MTA3: variants seen among roughly 807,000 people sequenced by gnomAD.
The protein encoded by MTA3 is metastasis-associated protein MTA3.
A neutral mutation model predicts 83.5 loss-of-function variants in MTA3; 34 were observed. The observed-to-expected ratio is 0.41, with a 90% CI of 0.31 to 0.54. The LOEUF (loss-of-function observed/expected upper bound fraction) is 0.54. MTA3 is among the 20% of genes least tolerant of loss of function. MTA3 has a pLI of 0.33. For synonymous variants in MTA3, 303 were observed against 252.7 expected (o/e 1.20, Z -1.89); for missense variants, 761 against 726.4 (o/e 1.05, Z -0.55).
intron 4 of MTA3, among the ~76,000 whole-genome samples, chr2:42,625,945 T>G (rs968944123): frequency 6.7e-6 from 1 of 148,880 alleles, no homozygotes; most frequent in East Asian, 1.9e-4. Flanking sequence ...CTTTTTTTTT[T>G]CTTTTTTTTT....
rs536974693 is a variant in MTA3, at chr2:42,681,445, T to C, written c.703-956T>C. Among the ~76,000 whole-genome samples the C allele has an allele frequency of 7.9e-5, 12 of 152,320 alleles. No homozygotes were observed. In the South Asian group the frequency reaches 1.9e-3, roughly 24 times the overall value. On this transcript the variant is annotated intron_variant, in intron 8 of 16. Transcript: ENST00000405094. ...CTCTGATACATAATCTGTATATTTT[T>C]CCCTGGTCAAGAATGGCTGTGCTGT...
chr2:42,568,263 A>T (rs902388353), upstream of MTA3: 1 of 154,162 alleles, frequency 6.5e-6, no homozygotes, highest in African/African-American at 2.4e-5. Context: ...TGGACAGGTG[A>T]CGGGGTACCC....
At chr2:42,736,443 C>T (rs993614648) in intron 16 of MTA3, among the ~76,000 whole-genome samples, 1 of 152,110 alleles carries the variant, frequency 6.6e-6, no homozygotes, top group South Asian at 2.1e-4. Flanking sequence ...GCCTGGCTAC[C>T]ACCTGTGTTC....
chr2:42,606,202 C>T lies in MTA3; in HGVS notation c.191-3256C>T, dbSNP rs1256817106. 1.2e-3 allele frequency among the ~76,000 whole-genome samples: 139 copies of T among 112,884 alleles called. 2 individuals carry two copies. The highest frequency in any genetic ancestry group is 7.4e-3 in the South Asian group (21 of 2,820). 74.1% of individuals were successfully genotyped at this position (112,884 alleles called of 152,430 possible). A position where few individuals can be genotyped will look rare whatever the true frequency, so the allele number is the denominator to read the frequency against. ...CGGCTGGCCGGGCGGGGGGCTGACC[C>T]CCCCCCACCTCCCTCCCGGACGGGG... On this transcript the variant is annotated intron_variant, in intron 3 of 16. Transcript: ENST00000405094.
chr2:42,569,205 T>A (rs964174282), intron 1 of MTA3, among the ~76,000 whole-genome samples: 1 of 17,308 alleles, frequency 5.8e-5, no homozygotes, highest in Non-Finnish European at 1.4e-4. Flanking sequence ...GGGGTGGGGG[T>A]GGGGGCGGTG....
intron 4 of MTA3, among the ~76,000 whole-genome samples, chr2:42,637,241 A>G (rs773810278): frequency 6.6e-6 from 1 of 152,196 alleles, no homozygotes; most frequent in Non-Finnish European, 1.5e-5. Flanking sequence ...TCTGTGTAGA[A>G]AAGTAGTACG....
chr2:42,606,440 G>A (rs1257027635), intron 3 of MTA3, among the ~76,000 whole-genome samples: 1 of 151,300 alleles, frequency 6.6e-6, no homozygotes, highest in East Asian at 2.0e-4. Context: ...GGGCAGAGGC[G>A]CTCCCCACAT....
intron 14 of MTA3, among the ~76,000 whole-genome samples, chr2:42,710,575 GAAAGT>G (rs1666520927): frequency 9.4e-6 from 1 of 106,396 alleles, no homozygotes; most frequent in Non-Finnish European, 2.0e-5. Flanking sequence ...AAAAAAAAAA[GAAAGT>G]GGTAGCAATG....
At chr2:42,531,116 T>C (rs886313539) in intron 2 of MTA3, among the ~76,000 whole-genome samples, 2 of 152,152 alleles carry the variant, frequency 1.3e-5, no homozygotes, top group African/African-American at 2.4e-5. Context: ...ATGTGTGAGC[T>C]ACCATGCCCG....
At chr2:42,647,159 A>AAAAAAAAACAAAAG in intron 6 of MTA3, among the ~76,000 whole-genome samples, 1 of 151,110 alleles carries the variant, frequency 6.6e-6, no homozygotes, top group Non-Finnish European at 1.5e-5. Flanking sequence ...TCTGTCTAAA[A>AAAAAAAAACAAAAG]AAAAAAAACA....
chr2:42,587,268 C>T (rs565617946), intron 3 of MTA3, among the ~76,000 whole-genome samples: 4 of 151,268 alleles, frequency 2.6e-5, no homozygotes, highest in East Asian at 3.9e-4. Flanking sequence ...GCCATGATTG[C>T]GCCACTGCAC....
intron 8 of MTA3, among the ~76,000 whole-genome samples, chr2:42,677,094 T>G (rs1254201198): frequency 6.6e-6 from 1 of 152,136 alleles, no homozygotes; most frequent in Non-Finnish European, 1.5e-5. Context: ...AATTTATAAA[T>G]TAGGCACAGT....
chr2:42,752,545 G>C (rs1471047697), intron 16 of MTA3, among the ~76,000 whole-genome samples: 1 of 151,730 alleles, frequency 6.6e-6, no homozygotes, highest in Non-Finnish European at 1.5e-5. Context: ...CAGAGTTGAA[G>C]GTTTTTGGGG....
chr2:42,703,987 G>C (rs904336509), intron 11 of MTA3: 1 of 499,822 alleles, frequency 2.0e-6, no homozygotes, highest in African/African-American at 2.0e-5. Flanking sequence ...TCAGGCATAA[G>C]CAATTCCTTT....
chr2:42,662,172 A>G (rs1689783330), intron 8 of MTA3, among the ~76,000 whole-genome samples: 2 of 152,122 alleles, frequency 1.3e-5, no homozygotes, highest in Non-Finnish European at 2.9e-5. Context: ...AATACTACAC[A>G]ACATTATTTA....
At chr2:42,714,925 G>T (rs1666920201) in intron 14 of MTA3, among the ~76,000 whole-genome samples, 1 of 152,172 alleles carries the variant, frequency 6.6e-6, no homozygotes, top group African/African-American at 2.4e-5. Context: ...GTCCGGCCCA[G>T]TTCCTAACTT....
chr2:42,710,549 CAAAAAA>C (rs765315082), intron 14 of MTA3, among the ~76,000 whole-genome samples: 41 of 61,062 alleles, frequency 6.7e-4, no homozygotes, highest in Non-Finnish European at 2.4e-4. Flanking sequence ...AACTTCATCT[CAAAAAA>C]AAAAAAAAAA....
At chr2:42,739,423 A>C (rs935314120) in intron 16 of MTA3, among the ~76,000 whole-genome samples, 6 of 149,370 alleles carry the variant, frequency 4.0e-5, no homozygotes, top group African/African-American at 7.5e-5. Flanking sequence ...TATATACCTT[A>C]ATTTTAAAAA....
At chr2:42,618,330 G>T (rs1685153387) in intron 4 of MTA3, among the ~76,000 whole-genome samples, 1 of 151,914 alleles carries the variant, frequency 6.6e-6, no homozygotes, top group East Asian at 1.9e-4. Flanking sequence ...CTAACTTAGG[G>T]GAACATATTT....
Sources: gnomAD v4.1 joint callset for allele counts (sites outside exome capture counted in the v4.1 genomes callset) on GRCh38, gnomAD v4.1.1 for gene constraint, MANE v1.5 for transcripts, NCBI Gene and HGNC (gene_info 2026-07-23, HGNC 2026-07-21) for gene names.